Variants in MYO16 observed in about 807,000 individuals in gnomAD.
MYO16 encodes myosin XVI, also known as unconventional myosin-XVI.
Under a neutral mutation model 205.3 loss-of-function variants are expected in MYO16, and 94 were observed. The ratio of observed to expected loss-of-function variants is 0.46; its 90% CI spans 0.39 to 0.54. The LOEUF (loss-of-function observed/expected upper bound fraction) is 0.54. MYO16 is among the 20% of genes least tolerant of loss of function. The pLI, the probability that MYO16 is intolerant of heterozygous loss-of-function variation, is 0.00. For synonymous variants in MYO16, 988 were observed against 954.0 expected (o/e 1.04, Z -0.66); for missense variants, 2,315 against 2,387.5 (o/e 0.97, Z 0.63).
chr13:108,729,658 TGG>T (rs1884458426), intron 4 of MYO16, among the ~76,000 whole-genome samples: 1 of 152,200 alleles, frequency 6.6e-6, no homozygotes, highest in South Asian at 2.1e-4. Context: ...AATATTCATA[TGG>T]TTGTGCTTAA....
intron 31 of MYO16, among the ~76,000 whole-genome samples, chr13:109,139,962 G>C (rs1483913593): frequency 6.6e-6 from 1 of 151,822 alleles, no homozygotes; most frequent in Non-Finnish European, 1.5e-5. Context: ...AAGGGGGGTG[G>C]GTGGGTAGCA....
At chr13:108,780,053 G>T (rs564359722) in intron 4 of MYO16, 1 of 152,324 alleles carries the variant, frequency 6.6e-6, no homozygotes, top group South Asian at 2.1e-4. Context: ...CCATGGTGGG[G>T]TAAGAAGAGC....
chr13:109,050,094 A>G (rs535856393), intron 24 of MYO16, among the ~76,000 whole-genome samples: 7 of 152,078 alleles, frequency 4.6e-5, no homozygotes, highest in Non-Finnish European at 1.0e-4. Flanking sequence ...CAGAATATTC[A>G]ACAGGGATGT....
intron 9 of MYO16, among the ~76,000 whole-genome samples, chr13:108,825,856 A>G (rs1876234515): frequency 6.6e-6 from 1 of 152,060 alleles, no homozygotes; most frequent in Non-Finnish European, 1.5e-5. Context: ...AGGAAAAATT[A>G]AAAATAATTT....
chr13:108,701,783 T>A (rs1883317428), intron 2 of MYO16, among the ~76,000 whole-genome samples: 1 of 152,016 alleles, frequency 6.6e-6, no homozygotes, highest in Non-Finnish European at 1.5e-5. Flanking sequence ...ATCATAAAAA[T>A]GTTCAAATAA....
chr13:109,001,368 C>T (rs1885207315), intron 21 of MYO16, among the ~76,000 whole-genome samples: 2 of 152,122 alleles, frequency 1.3e-5, no homozygotes, highest in South Asian at 4.1e-4. Flanking sequence ...AGGAAAGCAA[C>T]CCTTCTCTGC....
intron 1 of MYO16, among the ~76,000 whole-genome samples, chr13:108,614,590 TAATC>T (rs1342878340): frequency 7.9e-5 from 12 of 151,920 alleles, no homozygotes; most frequent in Non-Finnish European, 1.5e-4. Context: ...AGCTACAAAA[TAATC>T]AAAACAATGT....
At chr13:108,765,286 T>C (rs530357663) in intron 4 of MYO16, among the ~76,000 whole-genome samples, 1 of 140,298 alleles carries the variant, frequency 7.1e-6, no homozygotes, top group African/African-American at 2.5e-5. Flanking sequence ...AATTTTTCAC[T>C]ACTTTTATAT....
At chr13:108,836,944 G>A (rs866862440) in intron 9 of MYO16, among the ~76,000 whole-genome samples, 13 of 152,290 alleles carry the variant, frequency 8.5e-5, no homozygotes, top group Non-Finnish European at 1.5e-4. Flanking sequence ...CGTTAATGCT[G>A]GAATGAGTTA....
rs78348257 is a variant in MYO16 at position 108,814,256 on chromosome 13, A to T, written c.868-6081A>T. ...CTGATACTCTAACCTTTTTGCAAAG[A>T]TATAAAAGCTTTAGCATTATTGCCA... is the stretch of plus-strand genomic sequence containing the variant. On this transcript the variant is annotated intron_variant, in intron 7 of 34. Coordinates refer to ENST00000457511, the MANE Select transcript of MYO16 (RefSeq NM_001198950.3). Among the ~76,000 whole-genome samples the T allele has an allele frequency of 2.6e-3, 402 of 152,274 alleles. 14 individuals are homozygous for T. The East Asian group carries it at 0.06, about 23-fold the overall frequency.
intron 12 of MYO16, among the ~76,000 whole-genome samples, chr13:108,868,179 A>G (rs1321835808): frequency 6.6e-6 from 1 of 152,176 alleles, no homozygotes; most frequent in Non-Finnish European, 1.5e-5. Context: ...TGGAATTGGT[A>G]CATCAAAGTG....
intron 28 of MYO16, among the ~76,000 whole-genome samples, chr13:109,114,638 A>G (rs969966000): frequency 6.6e-6 from 1 of 152,228 alleles, no homozygotes; most frequent in African/African-American, 2.4e-5. Context: ...ACAAGTGCAC[A>G]TTTCCTTAGA....
intron 27 of MYO16, among the ~76,000 whole-genome samples, chr13:109,098,025 A>G (rs1408385178): frequency 4.5e-5 from 1 of 22,026 alleles, no homozygotes; most frequent in Non-Finnish European, 1.1e-4. Flanking sequence ...CCAAATTACC[A>G]TAGACTGTGT....
chr13:108,769,342 C>T (rs1432365058), intron 4 of MYO16, among the ~76,000 whole-genome samples: 1 of 151,952 alleles, frequency 6.6e-6, no homozygotes, highest in Non-Finnish European at 1.5e-5. Flanking sequence ...GTGTGAGGGA[C>T]AGGAGAAGAT....
intron 10 of MYO16, among the ~76,000 whole-genome samples, chr13:108,853,980 G>GTGTGTGTT (rs1566370707): frequency 7.1e-6 from 1 of 140,392 alleles, no homozygotes; most frequent in Non-Finnish European, 1.5e-5. Context: ...GTGTGTGTGT[G>GTGTGTGTT]TGTGTGTATT....
chr13:108,892,259 T>C (rs9521087), intron 14 of MYO16, among the ~76,000 whole-genome samples: 87,411 of 152,008 alleles, frequency 0.58, 25,286 homozygotes, highest in East Asian at 0.61. Flanking sequence ...AAATAATTTT[T>C]TTTTTGAAAT....
At chr13:108,731,944 A>G in intron 4 of MYO16, among the ~76,000 whole-genome samples, 1 of 152,236 alleles carries the variant, frequency 6.6e-6, no homozygotes, top group East Asian at 1.9e-4. Flanking sequence ...AATTTGATTA[A>G]TGGATTAAGC....
intron 15 of MYO16, among the ~76,000 whole-genome samples, chr13:108,901,459 C>T (rs993920102): frequency 1.3e-5 from 2 of 152,248 alleles, no homozygotes; most frequent in East Asian, 1.9e-4. Context: ...AAAGAACCTA[C>T]GTGAAATATC....
In MYO16 at chr13:109,055,366, G is replaced by C; in HGVS notation, c.3130-24G>C. ...AGCTAGTGTCTCCTTTGGAGAATCA[G>C]TTGGGTTCTACTTCTCTCCTTAGAA... is the stretch of plus-strand genomic sequence containing the variant. On this transcript the variant is annotated intron_variant, in intron 26 of 34. Coordinates refer to ENST00000457511, the MANE Select transcript of MYO16 (RefSeq NM_001198950.3). The surrounding 1 kb of genome is among the most constrained non-coding windows in gnomAD (Gnocchi z 5.0). 1 of 1,570,470 alleles carries C rather than the reference G, an allele frequency of 6.4e-7. No individual in the cohort carries two copies. The highest frequency in any genetic ancestry group is 8.7e-7 in the Non-Finnish European group (1 of 1,145,282).
Sources: allele counts gnomAD v4.1 joint callset (sites outside exome capture counted in the v4.1 genomes callset), GRCh38; gene constraint gnomAD v4.1.1; non-coding constraint Gnocchi (gnomAD v3.1); transcripts MANE v1.5; gene names NCBI Gene and HGNC (gene_info 2026-07-23, HGNC 2026-07-21).